Variants in IFT57 observed in about 807,000 individuals in gnomAD.
The protein encoded by IFT57 is intraflagellar transport 57, also known as intraflagellar transport protein 57 homolog.
In IFT57, 59 loss-of-function variants were observed where a neutral mutation model predicts 56.8. The ratio of observed to expected loss-of-function variants is 1.04; its 90% CI spans 0.84 to 1.29. The LOEUF is 1.29. IFT57 is among the 50% of genes most tolerant of loss of function. The pLI, the probability that IFT57 is intolerant of heterozygous loss-of-function variation, is 0.00. For missense variants in IFT57, 470 were observed against 522.1 expected, an observed-to-expected ratio of 0.90 and a Z score of 0.97; for synonymous variants, 209 against 186.1, an observed-to-expected ratio of 1.12 and a Z score of -1.00.
intron 3 of IFT57, among the ~76,000 whole-genome samples, chr3:108,215,788 T>C (rs997225089): frequency 6.6e-6 from 1 of 152,186 alleles, no homozygotes; most frequent in South Asian, 2.1e-4. Context: ...TATTCTCTAA[T>C]GTTGACTACT....
At chr3:108,205,797 A>T (rs1486511561) in intron 5 of IFT57, among the ~76,000 whole-genome samples, 1 of 134,572 alleles carries the variant, frequency 7.4e-6, no homozygotes, top group African/African-American at 2.8e-5. Flanking sequence ...TATATAATAT[A>T]CAAAATATTA....
chr3:108,222,125 C>T lies in IFT57; in HGVS notation c.198G>A (p.Leu66=). Residue 66 remains leucine (L), a synonymous_variant, in exon 1 of 11, where the codon CTG becomes CTA. Transcript: ENST00000264538. The part of the protein sequence containing the change: ...YEEEFLRKSN[L]KAPSRHYFAL... The stretch of plus-strand genomic sequence containing the variant: ...CCGGCACCCACCTGGACGGGGCCTT[C>T]AGGTTGCTCTTCCGGAGGAACTCCT... 1 of 1,606,592 alleles carries T rather than the reference C, an allele frequency of 6.2e-7. No homozygotes were observed. Among genetic ancestry groups the T allele is most frequent in the African/African-American group, 1.3e-5 (1 of 74,798 alleles).
intron 9 of IFT57, among the ~76,000 whole-genome samples, chr3:108,163,999 G>T (rs988711164): frequency 6.6e-6 from 1 of 151,970 alleles, no homozygotes; most frequent in African/African-American, 2.4e-5. Context: ...AATCAAAGTT[G>T]TTTTAGTCAC....
chr3:108,200,050 C>T (rs1450496682), intron 5 of IFT57, among the ~76,000 whole-genome samples: 2 of 152,190 alleles, frequency 1.3e-5, no homozygotes, highest in Non-Finnish European at 2.9e-5. Context: ...GTGTAGACAA[C>T]AGTCAAATTG....
intron 6 of IFT57, among the ~76,000 whole-genome samples, chr3:108,181,165 T>C (rs190344920): frequency 1.2e-3 from 177 of 152,138 alleles, no homozygotes; most frequent in Non-Finnish European, 2.0e-3. Context: ...TCAGGGTAAA[T>C]AGGAAGGCAG....
At chr3:108,211,607 T>C (rs999164218) in intron 4 of IFT57, among the ~76,000 whole-genome samples, 7 of 152,250 alleles carry the variant, frequency 4.6e-5, no homozygotes, top group Non-Finnish European at 1.0e-4. Context: ...TCAATAAGTA[T>C]ATGCAGAATG....
Position 108,187,597 on chromosome 3 carries a change from A to AGG in IFT57, c.777+3922_777+3923dup, listed in dbSNP as rs68151612. Among the ~76,000 whole-genome samples the AGG allele has an allele frequency of 8.8e-3, 1,329 of 151,000 alleles. 16 individuals are homozygous for AGG. The highest frequency in any genetic ancestry group is 0.029 in the African/African-American group (1,192 of 41,098). On this transcript the variant is annotated intron_variant, in intron 6 of 10. Transcript: ENST00000264538. The stretch of plus-strand genomic sequence containing the variant: ...TGTTTTCATGTAAGTTAAAAAAAAA[A>AGG]GGGGGGGAGTGTCTGAGCCTACTAT...
At chr3:108,206,316 G>A (rs543360057) in intron 5 of IFT57, among the ~76,000 whole-genome samples, 1 of 150,860 alleles carries the variant, frequency 6.6e-6, no homozygotes, top group African/African-American at 2.4e-5. Context: ...TATTAAAATG[G>A]AAAATAACTT....
intron 9 of IFT57, among the ~76,000 whole-genome samples, chr3:108,165,080 T>C (rs768197683): frequency 1.3e-5 from 2 of 152,114 alleles, no homozygotes; most frequent in Admixed American, 6.6e-5. Context: ...ACCTTATATC[T>C]TGCAGACTAA....
chr3:108,187,772 C>A (rs2080192749), intron 6 of IFT57, among the ~76,000 whole-genome samples: 1 of 152,038 alleles, frequency 6.6e-6, no homozygotes, highest in South Asian at 2.1e-4. Flanking sequence ...CATCTCTAAA[C>A]CACTTCAAAA....
intron 3 of IFT57, among the ~76,000 whole-genome samples, chr3:108,216,939 A>G (rs930561049): frequency 6.6e-6 from 1 of 152,142 alleles, no homozygotes; most frequent in African/African-American, 2.4e-5. Flanking sequence ...GGTAGGGGGA[A>G]GGGAGAATAG....
At chr3:108,212,503 C>G (rs2080347752) in intron 4 of IFT57, among the ~76,000 whole-genome samples, 1 of 152,138 alleles carries the variant, frequency 6.6e-6, no homozygotes, top group Non-Finnish European at 1.5e-5. Context: ...TGATTGTAAG[C>G]TTCCTGAGGC....
At chr3:108,185,223 A>G (rs72933710) in intron 6 of IFT57, among the ~76,000 whole-genome samples, 14,821 of 152,252 alleles carry the variant, frequency 0.097, 780 homozygotes, top group Middle Eastern at 0.12. Flanking sequence ...TATAGCCTCC[A>G]TTATGATTCA....
intron 6 of IFT57, among the ~76,000 whole-genome samples, chr3:108,186,482 A>T (rs1356054958): frequency 2.6e-5 from 4 of 152,154 alleles, no homozygotes; most frequent in African/African-American, 4.8e-5. Context: ...GACGAAGAAG[A>T]AGTAGTACCA....
chr3:108,215,213 A>AT (rs142984181), intron 3 of IFT57, among the ~76,000 whole-genome samples: 14 of 151,946 alleles, frequency 9.2e-5, no homozygotes, highest in African/African-American at 2.2e-4. Context: ...ATGAAAACAT[A>AT]TTTTTTTTCC....
At chr3:108,211,976 G>T (rs905874077) in intron 4 of IFT57, among the ~76,000 whole-genome samples, 1 of 151,892 alleles carries the variant, frequency 6.6e-6, no homozygotes, top group Non-Finnish European at 1.5e-5. Flanking sequence ...ATTTTTCTTT[G>T]TAAACTTTGT....
At chr3:108,205,481 A>C (rs1017397621) in intron 5 of IFT57, among the ~76,000 whole-genome samples, 2 of 151,612 alleles carry the variant, frequency 1.3e-5, no homozygotes, top group Admixed American at 6.6e-5. Context: ...AATAATAACT[A>C]ATGAGGATTA....
intron 5 of IFT57, among the ~76,000 whole-genome samples, chr3:108,200,248 G>A (rs972795119): frequency 1.3e-5 from 2 of 152,150 alleles, no homozygotes; most frequent in Non-Finnish European, 1.5e-5. Flanking sequence ...GAAAGAGGAA[G>A]ACCAAAGACT....
chr3:108,204,570 AAC>A (rs2080299143), intron 5 of IFT57, among the ~76,000 whole-genome samples: 1 of 152,184 alleles, frequency 6.6e-6, no homozygotes, highest in Non-Finnish European at 1.5e-5. Context: ...TAACACAAAC[AAC>A]AGTTTCTTTC....
Sources: gnomAD v4.1 joint callset for allele counts (sites outside exome capture counted in the v4.1 genomes callset) on GRCh38, gnomAD v4.1.1 for gene constraint, MANE v1.5 for transcripts, NCBI Gene and HGNC (gene_info 2026-07-23, HGNC 2026-07-21) for gene names.